The following MCF2L variants were observed in gnomAD, a reference collection of about 807,000 sequenced individuals.
MCF2L encodes guanine nucleotide exchange factor DBS.
Under a neutral mutation model 153.4 loss-of-function variants are expected in MCF2L, and 97 were observed. That is an observed-to-expected ratio of 0.63 (90% CI 0.54 to 0.75). The LOEUF (loss-of-function observed/expected upper bound fraction) is 0.75, where lower values mean the gene tolerates loss of function less well. MCF2L is among the 30% of genes least tolerant of loss of function. MCF2L has a pLI of 0.00. For synonymous variants in MCF2L, 659 were observed against 632.2 expected (o/e 1.04, Z -0.64); for missense variants, 1,347 against 1,495.2 (o/e 0.90, Z 1.64).
At chr13:112,936,898 CATA>C (rs753242990) in intron 2 of MCF2L, among the ~76,000 whole-genome samples, 15 of 152,112 alleles carry the variant, frequency 9.9e-5, no homozygotes, top group Non-Finnish European at 1.5e-4. Context: ...TTGTTTGAGA[CATA>C]ATCATGAGAA....
chr13:113,079,494 G>A (rs4907585), intron 15 of MCF2L, among the ~76,000 whole-genome samples: 109 of 152,046 alleles, frequency 7.2e-4, no homozygotes, highest in African/African-American at 2.5e-3. Flanking sequence ...TTGGAACCAC[G>A]TCTCCCCCTT....
At chr13:112,901,953 T>C (rs2081123551) in intron 1 of MCF2L, among the ~76,000 whole-genome samples, 2 of 152,224 alleles carry the variant, frequency 1.3e-5, no homozygotes, top group Non-Finnish European at 2.9e-5. Context: ...AAGTTGATAA[T>C]ATGTTTTGCT....
intron 5 of MCF2L, among the ~76,000 whole-genome samples, chr13:113,063,295 C>T (rs2031813429): frequency 6.6e-6 from 1 of 152,208 alleles, no homozygotes; most frequent in Admixed American, 6.5e-5. Flanking sequence ...CAGCCACCCA[C>T]AATGTCCAGG....
chr13:112,940,116 C>T (rs559201062), intron 2 of MCF2L, among the ~76,000 whole-genome samples: 4 of 152,238 alleles, frequency 2.6e-5, no homozygotes, highest in African/African-American at 9.6e-5. Context: ...ATCATTAAGT[C>T]GGTCCCTCTA....
rs745460755 is a variant in MCF2L, at chr13:113,074,401, G to A, written c.997-43G>A. The A allele has an allele frequency of 1.9e-6, 3 of 1,599,692 alleles. No individual in the cohort carries two copies. The highest frequency in any genetic ancestry group is 4.5e-5 in the East Asian group (2 of 44,488). On this transcript the variant is annotated intron_variant, in intron 9 of 29. Transcript: ENST00000535094. This position sits in a 1 kb window ranked among gnomAD's most constrained non-coding sequence, Gnocchi z 4.2. ...ACTGGAGTGGGTTCTCTCTGTTCAG[G>A]TGAGGGAGACACCCCCCTGAGATGG...
chr13:112,971,847 T>C (rs2082048651), intron 1 of MCF2L, among the ~76,000 whole-genome samples: 1 of 152,238 alleles, frequency 6.6e-6, no homozygotes, highest in African/African-American at 2.4e-5. Context: ...GTTTTCTCTT[T>C]GGAATTTTAG....
chr13:112,980,226 G>A lies in MCF2L; in HGVS notation c.79+10768G>A, dbSNP rs1322126760. On this transcript the variant is annotated intron_variant, in intron 1 of 29. Coordinates refer to ENST00000535094, the MANE Select transcript of MCF2L (RefSeq NM_001112732.3). ...CCATTCAGGAACAGCACGTTTGCTC[G>A]GCCTGATGGAACAGCCTAAACTCTC... 4.6e-5 allele frequency among the ~76,000 whole-genome samples: 7 copies of A among 152,348 alleles called. No homozygotes were observed. The South Asian group carries it at 1.2e-3, about 27-fold the overall frequency.
chr13:113,050,719 G>A (rs2087215255), intron 4 of MCF2L, among the ~76,000 whole-genome samples: 1 of 47,536 alleles, frequency 2.1e-5, no homozygotes, highest in Admixed American at 1.6e-4. Flanking sequence ...AGCAGGGGGG[G>A]CGGGGGCGGG....
chr13:113,036,830 T>A (rs1320810104), intron 3 of MCF2L, among the ~76,000 whole-genome samples: 1 of 152,240 alleles, frequency 6.6e-6, no homozygotes, highest in African/African-American at 2.4e-5. Flanking sequence ...ATTTGTGTTA[T>A]TCCTATCCAG....
chr13:113,074,386 G>T lies in MCF2L; in HGVS notation c.997-58G>T. On this transcript the variant is annotated intron_variant, in intron 9 of 29. Coordinates refer to ENST00000535094, the MANE Select transcript of MCF2L (RefSeq NM_001112732.3). This position sits in a 1 kb window ranked among gnomAD's most constrained non-coding sequence, Gnocchi z 4.2. ...TCCCTGATCTGGAGCACTGGAGTGG[G>T]TTCTCTCTGTTCAGGTGAGGGAGAC... is the stretch of plus-strand genomic sequence containing the variant. The T allele has an allele frequency of 1.3e-6, 2 of 1,586,138 alleles. No homozygotes were observed. Among genetic ancestry groups the T allele is most frequent in the East Asian group, 2.3e-5 (1 of 44,168 alleles).
intron 23 of MCF2L, 143 bp from the exon 24 acceptor site, chr13:113,088,184 A>G (rs2034823464): frequency 1.3e-6 from 1 of 772,064 alleles, no homozygotes; most frequent in Non-Finnish European, 2.3e-6. Context: ...GGCCACCCAC[A>G]GTGCTTTCCT....
chr13:112,901,179 A>T (rs184037749), intron 1 of MCF2L, among the ~76,000 whole-genome samples: 69 of 152,054 alleles, frequency 4.5e-4, no homozygotes, highest in Non-Finnish European at 7.8e-4. Context: ...TTTGAGACGG[A>T]GTTTCACTGT....
chr13:112,952,672 A>C (rs930628671), intron 2 of MCF2L, among the ~76,000 whole-genome samples: 9 of 152,228 alleles, frequency 5.9e-5, no homozygotes, highest in Admixed American at 6.5e-5. Context: ...TAAATGCATT[A>C]CTATTAGTAA....
chr13:112,902,271 G>A, exon 2 of MCF2L: 2 of 1,612,822 alleles, frequency 1.2e-6, no homozygotes, highest in Non-Finnish European at 1.7e-6. Context: ...CCCCACAACG[G>A]CCCAATGAGG....
At chr13:113,005,657 C>T (rs554620866) in intron 1 of MCF2L, among the ~76,000 whole-genome samples, 3 of 151,852 alleles carry the variant, frequency 2.0e-5, no homozygotes, top group South Asian at 2.1e-4. Context: ...TCAAGGTGGC[C>T]GTGGCCTGTT....
chr13:112,910,399 A>G (rs1289527344), intron 2 of MCF2L: 4 of 152,262 alleles, frequency 2.6e-5, no homozygotes, highest in African/African-American at 9.6e-5. Flanking sequence ...GCCGTTATTT[A>G]TAATTATGAA....
At chr13:113,032,257 G>T (rs144444032) in intron 3 of MCF2L, among the ~76,000 whole-genome samples, 7 of 152,222 alleles carry the variant, frequency 4.6e-5, no homozygotes, top group African/African-American at 1.4e-4. Flanking sequence ...CCCACTTCTC[G>T]CTGTGGGTTT....
intron 2 of MCF2L, among the ~76,000 whole-genome samples, chr13:112,942,821 TC>T (rs1210481742): frequency 2.0e-5 from 3 of 152,092 alleles, no homozygotes; most frequent in African/African-American, 7.2e-5. Context: ...GACTTAACAT[TC>T]TCTCCACCCA....
At chr13:112,940,670 A>G (rs2081566925) in intron 2 of MCF2L, among the ~76,000 whole-genome samples, 1 of 152,220 alleles carries the variant, frequency 6.6e-6, no homozygotes, top group Non-Finnish European at 1.5e-5. Flanking sequence ...CAGTTAGAAT[A>G]TATTGTTTTG....
Sources: allele counts gnomAD v4.1 joint callset (sites outside exome capture counted in the v4.1 genomes callset), GRCh38; gene constraint gnomAD v4.1.1; non-coding constraint Gnocchi (gnomAD v3.1); transcripts MANE v1.5; gene names NCBI Gene and HGNC (gene_info 2026-07-23, HGNC 2026-07-21).